CCDC9: variants seen among roughly 807,000 people sequenced by gnomAD.
CCDC9 encodes coiled-coil domain containing 9, also known as coiled-coil domain-containing protein 9.
Under a neutral mutation model 65.6 loss-of-function variants are expected in CCDC9, and 52 were observed. The observed-to-expected ratio is 0.79, with a 90% CI of 0.63 to 1.00. The LOEUF (loss-of-function observed/expected upper bound fraction) is 1.00, where lower values mean the gene tolerates loss of function less well. Ranked by LOEUF, CCDC9 falls within the 50% of genes least tolerant of loss-of-function variation. CCDC9 has a pLI of 0.00. For synonymous variants in CCDC9, 332 were observed against 280.3 expected (o/e 1.18, Z -1.84); for missense variants, 834 against 757.2 (o/e 1.10, Z -1.19).
downstream of CCDC9, chr19:47,275,455 C>G: frequency 7.2e-7 from 1 of 1,385,304 alleles, no homozygotes; most frequent in Admixed American, 3.1e-5. Flanking sequence ...AATGACATCG[C>G]TCAGCGTCTC....
intron 5 of CCDC9, among the ~76,000 whole-genome samples, chr19:47,264,217 T>TG (rs1279944304): frequency 1.3e-5 from 2 of 152,216 alleles, no homozygotes; most frequent in African/African-American, 4.8e-5. Flanking sequence ...GGTCTTGCTA[T>TG]GTTGCCTAGT....
At chr19:47,274,984 G>A (rs1308819314), downstream of CCDC9, 1 of 1,463,828 alleles carries the variant, frequency 6.8e-7, no homozygotes, top group Non-Finnish European at 9.0e-7. Context: ...CTGAGCGAGG[G>A]CCCGCGGGGG....
At chr19:47,271,996 C>A (rs2059127367), downstream of CCDC9, 1 of 1,244,722 alleles carries the variant, frequency 8.0e-7, no homozygotes, top group African/African-American at 1.5e-5. Flanking sequence ...TTCAACTCCC[C>A]CTGGGCCTTC....
chr19:47,269,812 C>T (rs968048304), intron 8 of CCDC9, among the ~76,000 whole-genome samples: 9 of 152,098 alleles, frequency 5.9e-5, no homozygotes, highest in African/African-American at 9.7e-5. Flanking sequence ...GTGAGGGAGA[C>T]TGGTGGGAAA....
At position 47,260,741 on chromosome 19, in the gene CCDC9, G is replaced by A; in HGVS notation, c.364G>A (p.Gly122Arg). ...WEGSPGEQPR[G>R]GGAGGRGRRG... ...GGGCAGCCCCGGGGAGCAGCCTCGA[G>A]GAGGAGGAGCTGGGGGCCGTGGCCG... Residue 122 changes from glycine (G) to arginine (R), a missense_variant, in exon 5 of 12, where the codon GGA (glycine) becomes AGA (arginine). By Grantham distance (125) the Gly-to-Arg change is moderately radical. Transcript: ENST00000221922. 1 of 1,603,914 alleles carries A rather than the reference G, an allele frequency of 6.2e-7. No homozygotes were observed. Among genetic ancestry groups the A allele is most frequent in the Non-Finnish European group, 8.5e-7 (1 of 1,176,070 alleles).
intron 8 of CCDC9, among the ~76,000 whole-genome samples, chr19:47,267,026 G>A (rs924845530): frequency 4.0e-5 from 6 of 150,978 alleles, no homozygotes; most frequent in South Asian, 2.1e-4. Flanking sequence ...GTGCAGTGGC[G>A]TGATCTCGGC....
intron 8 of CCDC9, among the ~76,000 whole-genome samples, chr19:47,267,255 C>T (rs967504884): frequency 9.9e-5 from 15 of 151,706 alleles, no homozygotes; most frequent in Non-Finnish European, 2.1e-4. Context: ...TGAGCCACCG[C>T]GCGCGGCCGA....
downstream of CCDC9, chr19:47,274,092 C>T: frequency 1.7e-6 from 1 of 575,434 alleles, no homozygotes; most frequent in Non-Finnish European, 2.2e-6. Flanking sequence ...AGAGCCTAGT[C>T]TGGACCCCTT....
At chr19:47,264,439 C>G (rs1268683089) in intron 5 of CCDC9, among the ~76,000 whole-genome samples, 164 bp from the exon 6 acceptor site, 3 of 152,246 alleles carry the variant, frequency 2.0e-5, no homozygotes, top group South Asian at 2.1e-4. Flanking sequence ...GCCAGCCAGC[C>G]TCATCAGTTC....
At chr19:47,269,995 G>T (rs2059105008) in intron 8 of CCDC9, among the ~76,000 whole-genome samples, 1 of 151,370 alleles carries the variant, frequency 6.6e-6, no homozygotes. Flanking sequence ...TTGAGATAGG[G>T]TCTCCCTCTG....
At chr19:47,258,932 C>T (rs2123441103) in intron 3 of CCDC9, among the ~76,000 whole-genome samples, 2 of 152,344 alleles carry the variant, frequency 1.3e-5, no homozygotes, top group Non-Finnish European at 1.5e-5. Context: ...CTGCCCCCTC[C>T]AGGGTCCACC....
At chr19:47,260,475 T>C (rs1317385613) in intron 4 of CCDC9, 53 bp downstream of exon 4, 2 of 1,607,718 alleles carry the variant, frequency 1.2e-6, no homozygotes, top group Non-Finnish European at 1.7e-6. Context: ...GGCAGAGGGT[T>C]GAGGCCTGGG....
rs201950402 is a variant in CCDC9, at chr19:47,271,691, G to C, written c.*13G>C. ...TGAGAGTGTATGAAGCTGGCTGCCT[G>C]TGTGTGTGTGTGTGTGTGTGTGTGT... On this transcript the variant is annotated 3_prime_UTR_variant, in exon 12 of 12. Coordinates refer to ENST00000221922, the MANE Select transcript of CCDC9 (RefSeq NM_015603.3). 1,382 of 1,080,822 alleles carry C rather than the reference G, an allele frequency of 1.3e-3. 11 individuals carry two copies. The African/African-American group carries it at 0.019, about 15-fold the overall frequency. 67.0% of individuals were successfully genotyped at this position (1,080,822 alleles called of 1,614,324 possible).
In CCDC9 at chr19:47,258,546, C is replaced by T. The variant is rs887429019; in HGVS notation, c.4-13C>T. ...GTTTTTCCTTCCATCCCTCAACTGC[C>T]TCCCGGTCTCAGGCAGCCACACTCG... is the stretch of plus-strand genomic sequence containing the variant. On this transcript the variant is annotated splice_polypyrimidine_tract_variant and intron_variant, in intron 2 of 11. Coordinates refer to ENST00000221922, the MANE Select transcript of CCDC9 (RefSeq NM_015603.3). 4.3e-6 allele frequency: 7 copies of T among 1,612,482 alleles called. No individual in the cohort carries two copies. Among genetic ancestry groups the T allele is most frequent in the Middle Eastern group, 1.6e-4 (1 of 6,082 alleles).
In CCDC9 at chr19:47,264,883, CGGCCGCAACTGGGGG is replaced by C; in HGVS notation, c.662_676del (p.Arg221_Gly225del). 6.8e-7 allele frequency: 1 copy of C among 1,477,304 alleles called. No homozygotes were observed. Among genetic ancestry groups the C allele is most frequent in the Non-Finnish European group, 9.0e-7 (1 of 1,116,134 alleles). 91.5% of individuals were successfully genotyped at this position (1,477,304 alleles called of 1,614,324 possible). ...ACCGCCGGGAGGAGAGCCGCCGGCA[CGGCCGCAACTGGGGG>C]GGCCCCGACTTCGAGCGGGTGCGCT... is the stretch of plus-strand genomic sequence containing the variant. On this transcript the variant is annotated inframe_deletion, in exon 7 of 12. Transcript: ENST00000221922.
intron 5 of CCDC9, among the ~76,000 whole-genome samples, chr19:47,262,076 A>C (rs1042374632): frequency 2.0e-5 from 3 of 152,126 alleles, no homozygotes; most frequent in African/African-American, 4.8e-5. Context: ...CTGTCACACA[A>C]AGACTCCAAA....
At chr19:47,275,583 TCTGTCTCCTGC>T, downstream of CCDC9, 1 of 572,454 alleles carries the variant, frequency 1.7e-6, no homozygotes, top group Non-Finnish European at 3.1e-6. Context: ...CATCCTGAGC[TCTGTCTCCTGC>T]CCCTCCTGCT....
chr19:47,256,750 A>AGGGGCGCTGGC (rs2059012143), intron 1 of CCDC9, 141 bp downstream of exon 1: 1 of 11,198 alleles, frequency 8.9e-5, no homozygotes, highest in East Asian at 3.5e-3. Context: ...GGGAAGCTGG[A>AGGGGCGCTGGC]GGGGCGCTGG....
At chr19:47,259,501 G>A (rs979929272) in intron 3 of CCDC9, among the ~76,000 whole-genome samples, 1 of 152,130 alleles carries the variant, frequency 6.6e-6, no homozygotes, top group Non-Finnish European at 1.5e-5. Flanking sequence ...GCTGTTGAGA[G>A]GGACTCAGTT....
Sources: allele counts gnomAD v4.1 joint callset (sites outside exome capture counted in the v4.1 genomes callset), GRCh38; gene constraint gnomAD v4.1.1; transcripts MANE v1.5; gene names NCBI Gene and HGNC (gene_info 2026-07-23, HGNC 2026-07-21).